FOXP2: variants seen among roughly 807,000 people sequenced by gnomAD.
FOXP2 encodes the protein forkhead box P2, also known as forkhead box protein P2.
In FOXP2, 12 loss-of-function variants were observed where a neutral mutation model predicts 115.8. The ratio of observed to expected loss-of-function variants is 0.10; its 90% CI spans 0.07 to 0.17. The LOEUF (loss-of-function observed/expected upper bound fraction) is 0.17. FOXP2 is among the 10% of genes least tolerant of loss of function. FOXP2 has a pLI of 1.00. For synonymous variants in FOXP2, 328 were observed against 297.7 expected (o/e 1.10, Z -1.05); for missense variants, 629 against 843.5 (o/e 0.75, Z 3.15).
intron 6 of FOXP2, among the ~76,000 whole-genome samples, chr7:114,639,778 G>A (rs1050456555): frequency 5.3e-5 from 8 of 152,272 alleles, no homozygotes; most frequent in South Asian, 2.1e-4. Context: ...AGCGGTAGAT[G>A]AGATCAGAGA....
At chr7:114,561,319 T>G (rs554914154) in intron 3 of FOXP2, 49 of 152,282 alleles carry the variant, frequency 3.2e-4, no homozygotes, top group Admixed American at 1.6e-3. Context: ...CTCGAAGAAT[T>G]TTACTCTTTC....
intron 2 of FOXP2, among the ~76,000 whole-genome samples, chr7:114,509,745 G>C (rs962912152): frequency 5.9e-5 from 9 of 151,874 alleles, no homozygotes; most frequent in African/African-American, 2.2e-4. Flanking sequence ...GAAACAAATG[G>C]CATGATCAAG....
chr7:114,155,216 G>T (rs1299744339), intron 1 of FOXP2, among the ~76,000 whole-genome samples: 3 of 152,032 alleles, frequency 2.0e-5, no homozygotes, highest in Non-Finnish European at 2.9e-5. Context: ...ATCCAGGAAG[G>T]ACATTCCAAA....
At chr7:114,474,935 G>A (rs994346250) in intron 2 of FOXP2, among the ~76,000 whole-genome samples, 2 of 151,910 alleles carry the variant, frequency 1.3e-5, no homozygotes, top group African/African-American at 2.4e-5. Context: ...TCATTGGTGA[G>A]GTGATTTGAG....
chr7:114,481,044 C>T (rs1011337833), intron 2 of FOXP2, among the ~76,000 whole-genome samples: 11 of 151,238 alleles, frequency 7.3e-5, no homozygotes, highest in African/African-American at 2.7e-4. Flanking sequence ...GGATAAATCT[C>T]TTATGTGTTG....
chr7:114,210,919 A>G (rs990509400), intron 1 of FOXP2, among the ~76,000 whole-genome samples: 38 of 152,130 alleles, frequency 2.5e-4, no homozygotes, highest in African/African-American at 8.9e-4. Context: ...CAGTCTGGCC[A>G]CGTTCTGGCA....
intron 3 of FOXP2, among the ~76,000 whole-genome samples, chr7:114,625,602 G>A (rs932026806): frequency 6.6e-6 from 1 of 151,674 alleles, no homozygotes; most frequent in Non-Finnish European, 1.5e-5. Context: ...GTGGTAGCAA[G>A]TAAATGAAAT....
chr7:114,369,586 G>T (rs547583361), intron 2 of FOXP2, among the ~76,000 whole-genome samples: 1 of 151,224 alleles, frequency 6.6e-6, no homozygotes, highest in African/African-American at 2.4e-5. Context: ...GCTTCATATC[G>T]TGTCTCTCTC....
intron 2 of FOXP2, among the ~76,000 whole-genome samples, chr7:114,526,991 ATTT>A (rs200748852): frequency 3.3e-4 from 42 of 128,820 alleles, no homozygotes; most frequent in African/African-American, 9.3e-4. Flanking sequence ...CCACTAATCT[ATTT>A]TTTTTTTTTT....
chr7:114,455,188 C>T (rs1363335888), intron 2 of FOXP2, among the ~76,000 whole-genome samples: 1 of 152,128 alleles, frequency 6.6e-6, no homozygotes, highest in African/African-American at 2.4e-5. Flanking sequence ...TTTAAGCTAT[C>T]TGAACCCCAA....
chr7:114,127,578 T>C (rs572676597), intron 1 of FOXP2, among the ~76,000 whole-genome samples: 1 of 152,292 alleles, frequency 6.6e-6, no homozygotes, highest in African/African-American at 2.4e-5. Context: ...TTATAATCTA[T>C]ACAGAATGTA....
At chr7:114,583,289 G>T (rs894802847) in intron 3 of FOXP2, among the ~76,000 whole-genome samples, 1 of 151,996 alleles carries the variant, frequency 6.6e-6, no homozygotes, top group Non-Finnish European at 1.5e-5. Flanking sequence ...CGAGGCAGGA[G>T]AATCCCTTTA....
intron 10 of FOXP2, 76 bp downstream of exon 10, chr7:114,654,085 CAGTT>C (rs772975285): frequency 3.4e-4 from 553 of 1,608,730 alleles, no homozygotes; most frequent in Non-Finnish European, 4.2e-4. Context: ...AATTTAGTGA[CAGTT>C]AGAAAACAAT....
intron 1 of FOXP2, among the ~76,000 whole-genome samples, chr7:114,216,156 C>G (rs1341310457): frequency 6.6e-6 from 1 of 152,162 alleles, no homozygotes; most frequent in African/African-American, 2.4e-5. Context: ...TTCTCTGCCC[C>G]TCTTATAGTA....
intron 2 of FOXP2, among the ~76,000 whole-genome samples, chr7:114,404,861 AT>A (rs1348620344): frequency 3.3e-5 from 5 of 151,042 alleles, no homozygotes; most frequent in African/African-American, 9.7e-5. Context: ...TTACCCTTTT[AT>A]TTTTTTTCTC....
At chr7:114,112,047 G>C (rs1266675112) in intron 1 of FOXP2, among the ~76,000 whole-genome samples, 1 of 152,098 alleles carries the variant, frequency 6.6e-6, no homozygotes, top group Non-Finnish European at 1.5e-5. Flanking sequence ...TATAGCAGCA[G>C]TACTAAAACC....
chr7:114,646,402 T>C (rs895481678), intron 8 of FOXP2, among the ~76,000 whole-genome samples: 16 of 152,226 alleles, frequency 1.1e-4, no homozygotes, highest in African/African-American at 3.8e-4. Context: ...TTTATGTTTT[T>C]ATTACTGACA....
intron 1 of FOXP2, among the ~76,000 whole-genome samples, chr7:114,189,819 T>C (rs1793710246): frequency 1.3e-5 from 2 of 152,310 alleles, no homozygotes; most frequent in South Asian, 4.1e-4. Context: ...GAATTCATGA[T>C]ATTCTTTTTT....
intron 3 of FOXP2, among the ~76,000 whole-genome samples, chr7:114,541,922 G>C (rs1799683546): frequency 6.6e-6 from 1 of 151,798 alleles, no homozygotes; most frequent in African/African-American, 2.4e-5. Context: ...TTAAGACTTA[G>C]GCTGTGAATT....
Sources: allele counts gnomAD v4.1 joint callset (sites outside exome capture counted in the v4.1 genomes callset), GRCh38; gene constraint gnomAD v4.1.1; transcripts MANE v1.5; gene names NCBI Gene and HGNC (gene_info 2026-07-23, HGNC 2026-07-21).